Variants in DHX15 observed in about 807,000 individuals in gnomAD.
DHX15 encodes ATP-dependent RNA helicase DHX15.
A neutral mutation model predicts 94.4 loss-of-function variants in DHX15; 11 were observed. The observed-to-expected ratio is 0.12, with a 90% confidence interval of 0.07 to 0.19. The LOEUF is 0.19. Ranked by LOEUF, DHX15 falls within the 10% of genes least tolerant of loss-of-function variation. The pLI, the probability that DHX15 is intolerant of heterozygous loss-of-function variation, is 1.00. For missense variants in DHX15, 304 were observed against 988.5 expected (o/e 0.31, Z 9.29); for synonymous variants, 338 against 329.9 (o/e 1.02, Z -0.27).
In DHX15 at chr4:24,578,702, AC is replaced by A. The variant is rs370799529; in HGVS notation, c.72-2025del. 7.5e-4 allele frequency among the ~76,000 whole-genome samples: 114 copies of A among 152,210 alleles called. 2 individuals carry two copies. The South Asian group carries it at 0.022, about 29-fold the overall frequency. ...CACCTCAGCCTCCCGAGTAACTGGG[AC>A]TACAGGCATGCACCACCACGCCTCG... is the stretch of plus-strand genomic sequence containing the variant. On this transcript the variant is annotated intron_variant, in intron 1 of 13. Coordinates refer to ENST00000336812, the MANE Select transcript of DHX15 (RefSeq NM_001358.3).
chr4:24,569,795 A>G (rs1722081832), intron 3 of DHX15, among the ~76,000 whole-genome samples: 2 of 152,084 alleles, frequency 1.3e-5, no homozygotes, highest in Admixed American at 1.3e-4. Context: ...TGGTCTTGCT[A>G]TGTTGCTCAG....
intron 2 of DHX15, among the ~76,000 whole-genome samples, chr4:24,575,123 G>T (rs561437716): frequency 6.6e-6 from 1 of 151,102 alleles, no homozygotes; most frequent in East Asian, 1.9e-4. Context: ...CTCCAGCATG[G>T]GTGAAAGACT....
chr4:24,580,565 G>C (rs1374537240), intron 1 of DHX15, among the ~76,000 whole-genome samples: 7 of 148,712 alleles, frequency 4.7e-5, no homozygotes, highest in Non-Finnish European at 1.0e-4. Flanking sequence ...CTGGAGTGTA[G>C]TGGTGCAATC....
At position 24,557,045 on chromosome 4, in the gene DHX15, C is replaced by T. The variant is rs147990606; in HGVS notation, c.702-635G>A. On this transcript the variant is annotated intron_variant, in intron 3 of 13. Transcript: ENST00000336812. Reference sequence around the variant, plus strand: ...ATAAATGGAAGATAAAAACAAATGACGTCAGATTGATCAATGAACCAAAAA... The same window carrying T: ...ATAAATGGAAGATAAAAACAAATGATGTCAGATTGATCAATGAACCAAAAA... 1.1e-4 allele frequency among the ~76,000 whole-genome samples: 17 copies of T among 152,206 alleles called. No homozygotes were observed. In the East Asian group the frequency reaches 1.9e-3, roughly 17 times the overall value.
intron 7 of DHX15, among the ~76,000 whole-genome samples, chr4:24,542,347 C>G (rs189043359): frequency 6.6e-6 from 1 of 151,980 alleles, no homozygotes; most frequent in Non-Finnish European, 1.5e-5. Flanking sequence ...GGATTCTGCC[C>G]GAAAAGAAAC....
At chr4:24,581,128 T>A (rs545546650) in intron 1 of DHX15, among the ~76,000 whole-genome samples, 66 of 152,038 alleles carry the variant, frequency 4.3e-4, no homozygotes, top group African/African-American at 1.5e-3. Context: ...CCTCCCGGGT[T>A]CATACCATTC....
At chr4:24,544,816 A>C (rs1267024398) in intron 6 of DHX15, among the ~76,000 whole-genome samples, 1 of 152,174 alleles carries the variant, frequency 6.6e-6, no homozygotes, top group Admixed American at 6.5e-5. Flanking sequence ...AATGCTCTAT[A>C]AACTATACAG....
intron 2 of DHX15, among the ~76,000 whole-genome samples, chr4:24,571,781 A>G (rs561815805): frequency 1.3e-5 from 2 of 152,322 alleles, no homozygotes; most frequent in South Asian, 4.1e-4. Context: ...CTGCACTATT[A>G]TTACATTTTA....
At chr4:24,575,313 A>C (rs769598368) in intron 2 of DHX15, among the ~76,000 whole-genome samples, 7 of 152,188 alleles carry the variant, frequency 4.6e-5, no homozygotes, top group Admixed American at 1.3e-4. Context: ...CAATCTCTGC[A>C]TGGTAAGACA....
chr4:24,553,701 C>T (rs532052302), intron 5 of DHX15, among the ~76,000 whole-genome samples: 38 of 151,058 alleles, frequency 2.5e-4, no homozygotes, highest in Non-Finnish European at 3.7e-4. Flanking sequence ...CGCTTGAACC[C>T]GGGAGGCAGA....
chr4:24,580,084 A>T (rs1265653265), intron 1 of DHX15, among the ~76,000 whole-genome samples: 2 of 152,150 alleles, frequency 1.3e-5, no homozygotes, highest in Non-Finnish European at 2.9e-5. Flanking sequence ...ATTATTAAAG[A>T]TCTTTTTAAG....
At chr4:24,571,105 T>C (rs1229688418) in intron 2 of DHX15, among the ~76,000 whole-genome samples, 1 of 152,224 alleles carries the variant, frequency 6.6e-6, no homozygotes, top group African/African-American at 2.4e-5. Context: ...TATCCCATCA[T>C]GAAGTATTTC....
intron 5 of DHX15, among the ~76,000 whole-genome samples, chr4:24,553,213 CG>C (rs1204810953): frequency 6.6e-6 from 1 of 151,996 alleles, no homozygotes; most frequent in African/African-American, 2.4e-5. Flanking sequence ...CCCAGCTACT[CG>C]GAAGGCTGAG....
rs200810199 is a variant in DHX15 at position 24,540,256 on chromosome 4, C to T, written c.1638G>A (p.Leu546=). 5.6e-6 allele frequency: 9 copies of T among 1,613,238 alleles called. No individual in the cohort carries two copies. Among genetic ancestry groups the T allele is most frequent in the Admixed American group, 1.7e-5 (1 of 59,974 alleles). ...LMRALELLNY[L]AALNDDGDLT... ...GATCTCCATCATCATTTAAAGCAGC[C>T]AGGTAATTCAAAAGTTCCAGGGCTC... Residue 546 remains leucine, a synonymous_variant, in exon 10 of 14, where the codon CTG becomes CTA. Coordinates refer to ENST00000336812, the MANE Select transcript of DHX15 (RefSeq NM_001358.3).
rs374468311 is a variant in DHX15, at chr4:24,527,877, A to T, written c.*47T>A. On this transcript the variant is annotated 3_prime_UTR_variant, in exon 14 of 14. Coordinates refer to ENST00000336812, the MANE Select transcript of DHX15 (RefSeq NM_001358.3). ...ACAACTCGAACTTTTGAGTTCATTC[A>T]TCTTTTAAAGCTGTCCTCTCAATAA... 74 of 1,401,270 alleles carry T rather than the reference A, an allele frequency of 5.3e-5. No homozygotes were observed. Among genetic ancestry groups the T allele is most frequent in the Non-Finnish European group, 7.0e-5 (69 of 989,790 alleles). 86.8% of individuals were successfully genotyped at this position (1,401,270 alleles called of 1,614,324 possible).
intron 11 of DHX15, chr4:24,534,119 A>G (rs751873633): frequency 1.3e-5 from 2 of 152,234 alleles, no homozygotes; most frequent in African/African-American, 4.8e-5. Flanking sequence ...ATACAATAAC[A>G]TATTAGAACA....
In DHX15 at chr4:24,584,411, G is replaced by A; in HGVS notation, c.-18C>T. ...TTGGACATCCTCGCACTCTTCGAACGGGCAGTTATTAAGGAAGAAAGCTGG... is the reference window on the plus strand; with the variant it reads ...TTGGACATCCTCGCACTCTTCGAACAGGCAGTTATTAAGGAAGAAAGCTGG... On this transcript the variant is annotated 5_prime_UTR_variant, in exon 1 of 14. Coordinates refer to ENST00000336812, the MANE Select transcript of DHX15 (RefSeq NM_001358.3). 1 of 1,609,006 alleles carries A rather than the reference G, an allele frequency of 6.2e-7. No individual in the cohort carries two copies. Among genetic ancestry groups the A allele is most frequent in the Non-Finnish European group, 8.5e-7 (1 of 1,178,012 alleles).
chr4:24,540,658 A>C (rs114110529), intron 9 of DHX15, among the ~76,000 whole-genome samples, 182 bp downstream of exon 9: 2,879 of 149,254 alleles, frequency 0.019, 80 homozygotes, highest in African/African-American at 0.066. Flanking sequence ...AAAAAAAAAA[A>C]TGTGCTCATA....
intron 12 of DHX15, among the ~76,000 whole-genome samples, chr4:24,531,210 TC>T: frequency 6.6e-6 from 1 of 151,862 alleles, no homozygotes; most frequent in Non-Finnish European, 1.5e-5. Context: ...TGCCTCAGCC[TC>T]CCGAGTAGCT....
Sources: allele counts gnomAD v4.1 joint callset (sites outside exome capture counted in the v4.1 genomes callset), GRCh38; gene constraint gnomAD v4.1.1; transcripts MANE v1.5; gene names NCBI Gene and HGNC (gene_info 2026-07-23, HGNC 2026-07-21).